DCDC1: variants seen among roughly 807,000 people sequenced by gnomAD.
DCDC1 encodes doublecortin domain containing 1.
A neutral mutation model predicts 178.3 loss-of-function variants in DCDC1; 200 were observed. The ratio of observed to expected loss-of-function variants is 1.12; its 90% confidence interval spans 1.00 to 1.26. The LOEUF is 1.26. Among genes scored for constraint, DCDC1 ranks in the 50% most tolerant of loss-of-function variants. The probability of loss-of-function intolerance (pLI) is 0.00; values close to 1 mark genes in which losing one functional copy is unlikely to be tolerated. For missense variants in DCDC1, 1,983 were observed against 1,749.2 expected (o/e 1.13, Z -2.38); for synonymous variants, 690 against 604.8 (o/e 1.14, Z -2.07).
intron 17 of DCDC1, among the ~76,000 whole-genome samples, chr11:31,078,655 C>A (rs139911130): frequency 3.3e-5 from 5 of 152,258 alleles, no homozygotes; most frequent in African/African-American, 1.2e-4. Context: ...TATGTAAAGG[C>A]AGCCATCCAA....
rs1224373104 is a variant in DCDC1, at chr11:31,151,093, T to C, written c.1222-13309A>G. ...GCAGATACACTGTATCATTCAGCTC[T>C]CAAAATAACTTCAGCACATTTGTGT... On this transcript the variant is annotated intron_variant, in intron 9 of 38. Coordinates refer to ENST00000684477, the MANE Select transcript of DCDC1 (RefSeq NM_001387274.1). Among the ~76,000 whole-genome samples, 6 of 152,300 alleles carry C rather than the reference T, an allele frequency of 3.9e-5. No homozygotes were observed. The East Asian group carries it at 9.7e-4, about 25-fold the overall frequency.
intron 15 of DCDC1, among the ~76,000 whole-genome samples, chr11:31,099,578 T>G (rs1272526356): frequency 1.3e-5 from 2 of 152,188 alleles, no homozygotes; most frequent in East Asian, 1.9e-4. Flanking sequence ...AGCATCTAGT[T>G]CAATGTCATT....
intron 38 of DCDC1, among the ~76,000 whole-genome samples, chr11:30,877,253 A>G (rs959305291): frequency 6.6e-6 from 1 of 152,162 alleles, no homozygotes; most frequent in African/African-American, 2.4e-5. Flanking sequence ...ATCACATTAA[A>G]GTGGAGGATT....
At chr11:30,875,783 A>T (rs1162419412) in intron 38 of DCDC1, among the ~76,000 whole-genome samples, 2 of 151,930 alleles carry the variant, frequency 1.3e-5, no homozygotes, top group East Asian at 4.1e-4. Context: ...ACAATCAAGG[A>T]AAAAAACAGA....
At chr11:31,160,550 T>TA (rs1966223505) in intron 9 of DCDC1, among the ~76,000 whole-genome samples, 1 of 152,098 alleles carries the variant, frequency 6.6e-6, no homozygotes, top group Non-Finnish European at 1.5e-5. Context: ...TAACAATTAT[T>TA]AAAAGAGTAC....
chr11:31,267,893 T>G (rs544453853), intron 7 of DCDC1, among the ~76,000 whole-genome samples: 2 of 152,344 alleles, frequency 1.3e-5, no homozygotes, highest in African/African-American at 4.8e-5. Context: ...GGTGTCTGAC[T>G]GGCAAAATTC....
At chr11:30,951,892 A>G (rs1173038490) in intron 21 of DCDC1, among the ~76,000 whole-genome samples, 2 of 152,154 alleles carry the variant, frequency 1.3e-5, no homozygotes, top group Non-Finnish European at 2.9e-5. Context: ...TCACACCTGT[A>G]ATTGCAACAC....
chr11:31,229,099 A>G (rs2616818), intron 9 of DCDC1, among the ~76,000 whole-genome samples: 8 of 151,814 alleles, frequency 5.3e-5, no homozygotes, highest in Admixed American at 3.9e-4. Context: ...ACTAAAAAAA[A>G]TTTAATTCAT....
At chr11:30,911,197 T>C in intron 28 of DCDC1, 130 bp downstream of exon 28, 1 of 731,098 alleles carries the variant, frequency 1.4e-6, no homozygotes, top group Non-Finnish European at 2.2e-6. Flanking sequence ...CAGACTATTG[T>C]AAATATTTTA....
In DCDC1 at chr11:31,213,172, A is replaced by C. The variant is rs12270919; in HGVS notation, c.1221+28278T>G. Among the ~76,000 whole-genome samples the C allele has an allele frequency of 8.8e-4, 93 of 106,170 alleles. 2 individuals carry two copies. The highest frequency in any genetic ancestry group is 3.3e-3 in the African/African-American group (83 of 25,346). The allele number at this position is 106,170 out of a possible 152,430, so 69.7% of individuals were successfully genotyped here. ...CTCTCTCTCTCTCTCTGCTTTCTTT[A>C]CCAGGGCAGTGGTTTGCTGTCCTCC... On this transcript the variant is annotated intron_variant, in intron 9 of 38. Transcript: ENST00000684477.
At chr11:31,225,563 ATG>A (rs1038550865) in intron 9 of DCDC1, among the ~76,000 whole-genome samples, 3 of 150,924 alleles carry the variant, frequency 2.0e-5, no homozygotes, top group Non-Finnish European at 3.0e-5. Context: ...ATATGTAAAT[ATG>A]TGTTATATAT....
chr11:30,905,847 A>G (rs1945019281), intron 30 of DCDC1, among the ~76,000 whole-genome samples: 1 of 152,192 alleles, frequency 6.6e-6, no homozygotes, highest in Non-Finnish European at 1.5e-5. Flanking sequence ...ACCGCAATGC[A>G]TATCAGGATT....
At chr11:31,215,390 A>G (rs558031228) in intron 9 of DCDC1, 1 of 152,404 alleles carries the variant, frequency 6.6e-6, no homozygotes, top group Non-Finnish European at 1.5e-5. Flanking sequence ...CATGCATGAT[A>G]TAGGTGTTTA....
At chr11:31,251,662 G>A (rs1944045438) in intron 8 of DCDC1, among the ~76,000 whole-genome samples, 2 of 152,040 alleles carry the variant, frequency 1.3e-5, no homozygotes, top group Admixed American at 6.6e-5. Flanking sequence ...CTGTTTCTAT[G>A]GATAACCCTA....
At chr11:30,906,403 T>C in intron 30 of DCDC1, 137 bp downstream of exon 30, 1 of 833,030 alleles carries the variant, frequency 1.2e-6, no homozygotes, top group Non-Finnish European at 1.8e-6. Flanking sequence ...TCAATGCAGG[T>C]AGAATGGTAA....
intron 22 of DCDC1, among the ~76,000 whole-genome samples, chr11:30,927,710 A>T (rs1946673832): frequency 3.3e-5 from 5 of 152,224 alleles, no homozygotes; most frequent in Admixed American, 3.3e-4. Flanking sequence ...GGAACTTATT[A>T]TACTATTAGA....
At chr11:31,100,610 A>G (rs1958443320) in intron 15 of DCDC1, among the ~76,000 whole-genome samples, 1 of 152,258 alleles carries the variant, frequency 6.6e-6, no homozygotes, top group African/African-American at 2.4e-5. Flanking sequence ...AATACAAGCC[A>G]TGGCACAAGT....
At chr11:31,111,288 A>T (rs1304661306) in intron 11 of DCDC1, among the ~76,000 whole-genome samples, 1 of 151,224 alleles carries the variant, frequency 6.6e-6, no homozygotes, top group African/African-American at 2.5e-5. Context: ...ATATTTATTT[A>T]AAAATGAAAA....
chr11:30,891,182 A>G (rs1412552838), intron 36 of DCDC1, among the ~76,000 whole-genome samples: 1 of 152,172 alleles, frequency 6.6e-6, no homozygotes, highest in Non-Finnish European at 1.5e-5. Flanking sequence ...ACTTACGACT[A>G]TTGATGTTAA....
Sources: allele counts gnomAD v4.1 joint callset (sites outside exome capture counted in the v4.1 genomes callset), GRCh38; gene constraint gnomAD v4.1.1; transcripts MANE v1.5; gene names NCBI Gene and HGNC (gene_info 2026-07-23, HGNC 2026-07-21).